SMCHD1: variants seen among roughly 807,000 people sequenced by gnomAD.
SMCHD1 encodes structural maintenance of chromosomes flexible hinge domain containing 1, also known as structural maintenance of chromosomes flexible hinge domain-containing protein 1.
In SMCHD1, 78 loss-of-function variants were observed where a neutral mutation model predicts 254.7. The ratio of observed to expected loss-of-function variants is 0.31; its 90% CI spans 0.26 to 0.37. The LOEUF (loss-of-function observed/expected upper bound fraction) is 0.37. Among genes scored for constraint, SMCHD1 ranks in the 10% least tolerant of loss-of-function variants. The pLI is 1.00. For synonymous variants in SMCHD1, 766 were observed against 794.9 expected (o/e 0.96, Z 0.61); for missense variants, 1,840 against 2,408.1 (o/e 0.76, Z 4.94).
chr18:2,658,943 T>TAC (rs1420819767), intron 1 of SMCHD1, among the ~76,000 whole-genome samples: 4 of 144,624 alleles, frequency 2.8e-5, no homozygotes, highest in African/African-American at 7.5e-5. Context: ...TACACATATA[T>TAC]ATACACACAC....
At chr18:2,739,225 A>G (rs1165071136) in intron 26 of SMCHD1, among the ~76,000 whole-genome samples, 1 of 152,182 alleles carries the variant, frequency 6.6e-6, no homozygotes, top group Non-Finnish European at 1.5e-5. Context: ...TTTTTGGTCC[A>G]TATTCTCTAC....
chr18:2,762,342 G>A (rs1371212753), intron 36 of SMCHD1, 106 bp downstream of exon 36: 11 of 1,023,802 alleles, frequency 1.1e-5, no homozygotes, highest in Middle Eastern at 4.3e-4. Flanking sequence ...CTCTGATTAA[G>A]GTTATAGGGA....
chr18:2,655,780 G>A lies in SMCHD1; in HGVS notation c.-296G>A. On this transcript the variant is annotated 5_prime_UTR_variant, in exon 1 of 48. Coordinates refer to ENST00000320876, the MANE Select transcript of SMCHD1 (RefSeq NM_015295.3). ...TCGCACCGTGAGGCTCGCGTGGGCG[G>A]CGATAGGCGCTGGGCCCGGGCCCGG... The A allele has an allele frequency of 3.7e-6, 1 of 267,074 alleles. No homozygotes were observed. The highest frequency in any genetic ancestry group is 7.0e-6 in the Non-Finnish European group (1 of 142,538). The allele number at this position is 267,074 out of a possible 1,614,324, so 16.5% of individuals were successfully genotyped here.
intron 25 of SMCHD1, 43 bp downstream of exon 25, chr18:2,732,535 A>G (rs1359899880): frequency 7.6e-7 from 1 of 1,321,954 alleles, no homozygotes; most frequent in Non-Finnish European, 1.0e-6. Flanking sequence ...GAACTTTTTA[A>G]ATTTTATGTT....
At chr18:2,710,228 G>A (rs191039593) in intron 17 of SMCHD1, among the ~76,000 whole-genome samples, 1 of 152,134 alleles carries the variant, frequency 6.6e-6, no homozygotes, top group Admixed American at 6.6e-5. Context: ...TTATTTCTGG[G>A]CTCCCTGTTC....
chr18:2,784,801 G>A (rs2076212343), intron 45 of SMCHD1, 180 bp downstream of exon 45: 1 of 679,488 alleles, frequency 1.5e-6, no homozygotes, highest in Non-Finnish European at 2.6e-6. Context: ...TTAGAGTTAT[G>A]TAAATAGTAG....
chr18:2,747,739 A>G (rs1421653729), intron 30 of SMCHD1, 92 bp downstream of exon 30: 1 of 1,052,170 alleles, frequency 9.5e-7, no homozygotes, highest in Non-Finnish European at 1.3e-6. Flanking sequence ...TCTTTTCTAA[A>G]AAATATATTT....
chr18:2,676,147 A>C (rs949815156), intron 5 of SMCHD1, among the ~76,000 whole-genome samples: 3 of 152,208 alleles, frequency 2.0e-5, no homozygotes, highest in African/African-American at 7.2e-5. Flanking sequence ...AGGCTGTAGA[A>C]GAAAGGCAAG....
Position 2,688,608 on chromosome 18 carries a change from C to A in SMCHD1, c.754-20C>A. 1 of 1,560,044 alleles carries A rather than the reference C, an allele frequency of 6.4e-7. No homozygotes were observed. The highest frequency in any genetic ancestry group is 8.7e-7 in the Non-Finnish European group (1 of 1,150,074). ...CAGTTTATTAGGAATTTAAAAAGTA[C>A]TCTTTTTAATATTTAACAGATGATA... On this transcript the variant is annotated intron_variant, in intron 6 of 47. Coordinates refer to ENST00000320876, the MANE Select transcript of SMCHD1 (RefSeq NM_015295.3).
chr18:2,703,943 AT>A, intron 13 of SMCHD1, 57 bp downstream of exon 13: 1 of 1,304,572 alleles, frequency 7.7e-7, no homozygotes, highest in Non-Finnish European at 1.0e-6. Context: ...TTTAAAACAC[AT>A]ATGCAGAATC....
At chr18:2,736,654 CATCATA>C (rs139810172) in intron 25 of SMCHD1, among the ~76,000 whole-genome samples, 29,409 of 147,698 alleles carry the variant, frequency 0.2, 3,074 homozygotes, top group South Asian at 0.27. Flanking sequence ...AAATGTTCAA[CATCATA>C]ATCATAATCA....
At chr18:2,772,519 G>A (rs2076001603) in intron 41 of SMCHD1, 147 bp downstream of exon 41, 3 of 620,004 alleles carry the variant, frequency 4.8e-6, no homozygotes, top group South Asian at 3.6e-5. Context: ...ATTGCAATAG[G>A]GATTTGGCAG....
At chr18:2,696,840 C>T (rs2074295628) in intron 8 of SMCHD1, among the ~76,000 whole-genome samples, 192 bp from the exon 9 acceptor site, 1 of 152,094 alleles carries the variant, frequency 6.6e-6, no homozygotes, top group Admixed American at 6.5e-5. Flanking sequence ...ACCCCAGGTT[C>T]TATATCTGTA....
chr18:2,730,618 G>T (rs970446247), intron 24 of SMCHD1, among the ~76,000 whole-genome samples: 1 of 152,078 alleles, frequency 6.6e-6, no homozygotes, highest in Non-Finnish European at 1.5e-5. Context: ...AACTTCAAAG[G>T]TTGCTGAGTA....
chr18:2,752,842 G>T, intron 34 of SMCHD1: 2 of 249,016 alleles, frequency 8.0e-6, no homozygotes, highest in Non-Finnish European at 7.6e-6. Context: ...TTATATAGGA[G>T]GTTTCTATAA....
intron 40 of SMCHD1, 150 bp downstream of exon 40, chr18:2,771,768 CAAAAT>C (rs1297295553): frequency 3.4e-6 from 2 of 589,778 alleles, no homozygotes. Context: ...AAATGACTAA[CAAAAT>C]GATAGAGTGC....
chr18:2,678,874 A>T (rs1478848464), intron 5 of SMCHD1, among the ~76,000 whole-genome samples: 2 of 134,006 alleles, frequency 1.5e-5, no homozygotes, highest in Admixed American at 7.4e-5. Context: ...TTTGAGAGGG[A>T]GTCTTGCTCT....
intron 45 of SMCHD1, among the ~76,000 whole-genome samples, chr18:2,789,693 C>T (rs1283443717): frequency 1.3e-5 from 2 of 152,164 alleles, no homozygotes; most frequent in East Asian, 1.9e-4. Flanking sequence ...AAGTTGGAAG[C>T]GCACTCTCAA....
intron 25 of SMCHD1, among the ~76,000 whole-genome samples, chr18:2,737,633 G>C (rs1253642070): frequency 6.6e-6 from 1 of 152,112 alleles, no homozygotes; most frequent in East Asian, 1.9e-4. Context: ...CATTGCTTGA[G>C]CCCAGGAATT....
Sources: gnomAD v4.1 joint callset for allele counts (sites outside exome capture counted in the v4.1 genomes callset) on GRCh38, gnomAD v4.1.1 for gene constraint, MANE v1.5 for transcripts, NCBI Gene and HGNC (gene_info 2026-07-23, HGNC 2026-07-21) for gene names.